Variants in CDKL5 observed in about 807,000 individuals in gnomAD.
CDKL5 encodes the protein cyclin-dependent kinase-like 5.
CDKL5 carries 8 observed loss-of-function variants against 61.7 expected under a neutral mutation model. The observed-to-expected ratio is 0.13, with a 90% confidence interval of 0.08 to 0.23. The LOEUF (loss-of-function observed/expected upper bound fraction) is 0.23. Among genes scored for constraint, CDKL5 ranks in the 10% least tolerant of loss-of-function variants. The pLI, the probability that CDKL5 is intolerant of heterozygous loss-of-function variation, is 1.00. For synonymous variants in CDKL5, 275 were observed against 272.3 expected (o/e 1.01, Z -0.10); for missense variants, 440 against 734.5 (o/e 0.60, Z 4.63).
At chrX:18,509,800 T>C in intron 2 of CDKL5, among the ~76,000 whole-genome samples, 1 of 110,265 alleles carries the variant, frequency 9.1e-6, no homozygotes, top group South Asian at 3.9e-4. Flanking sequence ...TGGCAAAAGG[T>C]AGCAAATCCT....
intron 14 of CDKL5, 107 bp downstream of exon 14, chrX:18,609,677 C>T (rs1158930949): frequency 5.3e-6 from 6 of 1,125,141 alleles, no homozygotes; most frequent in Admixed American, 2.8e-5. Flanking sequence ...CCTACACTGT[C>T]GCCTTCCAGC....
intron 1 of CDKL5, among the ~76,000 whole-genome samples, chrX:18,460,150 C>T (rs761377215): frequency 5.6e-4 from 62 of 110,594 alleles, no homozygotes; most frequent in East Asian, 2.9e-4. Context: ...CCGCCCGCCT[C>T]GGCCTTCCAA....
chrX:18,444,415 T>A (rs1207455879), intron 1 of CDKL5, among the ~76,000 whole-genome samples: 1 of 111,878 alleles, frequency 8.9e-6, no homozygotes, highest in Admixed American at 9.6e-5. Flanking sequence ...AACATTTGGC[T>A]ATATATAGTC....
intron 1 of CDKL5, among the ~76,000 whole-genome samples, chrX:18,488,722 C>T (rs190726145): frequency 2.5e-4 from 28 of 111,571 alleles, no homozygotes; most frequent in Admixed American, 7.6e-4. Flanking sequence ...AATTCTAAGC[C>T]GCCCAGCCAA....
chrX:18,507,109 A>G lies in CDKL5; in HGVS notation c.13A>G (p.Asn5Asp), dbSNP rs767844474. Reference protein sequence around the residue: MKIPNIGNVMNKFEI... With the variant: MKIPDIGNVMNKFEI... ...GGAGTTTGTCTTCATGAAGATTCCT[A>G]ACATTGGTAATGTGATGAATAAATT... The change falls in exon 2 of 18, where the codon AAC (asparagine) becomes GAC (aspartate). Residue 5 changes from asparagine to aspartate, a missense_variant. Coordinates refer to ENST00000623535, the MANE Select transcript of CDKL5 (RefSeq NM_001323289.2). 3 of 1,197,743 alleles carry G rather than the reference A, an allele frequency of 2.5e-6. No homozygotes were observed. Among genetic ancestry groups the G allele is most frequent in the East Asian group, 3.0e-5 (1 of 33,675 alleles).
intron 11 of CDKL5, 107 bp from the exon 12 acceptor site, chrX:18,603,795 T>G (rs762931260): frequency 2.7e-5 from 25 of 931,495 alleles, no homozygotes; most frequent in Non-Finnish European, 3.4e-5. Context: ...AGAATTAATG[T>G]TTTTAGTCTT....
At chrX:18,580,909 T>TG (rs1399871392) in intron 6 of CDKL5, among the ~76,000 whole-genome samples, 1 of 111,734 alleles carries the variant, frequency 8.9e-6, no homozygotes, top group Non-Finnish European at 1.9e-5. Context: ...ATATTTCTCT[T>TG]GCATTTGACT....
rs758188486 is a variant in CDKL5, at chrX:18,633,923, C to A, written c.*5166C>A. The stretch of plus-strand genomic sequence containing the variant: ...ACCCGCCTTGCATTTTCATTCATCA[C>A]CTGTTTATGCCCAAATTTAAAGGAA... On this transcript the variant is annotated 3_prime_UTR_variant, in exon 18 of 18. Coordinates refer to ENST00000623535, the MANE Select transcript of CDKL5 (RefSeq NM_001323289.2). 1.3e-5 allele frequency: 10 copies of A among 753,937 alleles called. No homozygotes were observed. The highest frequency in any genetic ancestry group is 1.6e-5 in the Non-Finnish European group (10 of 639,269). The allele number at this position is 753,937 out of a possible 1,213,427, so 62.1% of individuals were successfully genotyped here. A position where few individuals can be genotyped will look rare whatever the true frequency, so the allele number is the denominator to read the frequency against.
intron 7 of CDKL5, among the ~76,000 whole-genome samples, chrX:18,582,654 A>G (rs1296884257): frequency 2.7e-5 from 3 of 111,683 alleles, no homozygotes; most frequent in African/African-American, 9.7e-5. Flanking sequence ...CTTTTTTCAT[A>G]TATTTAAATA....
intron 3 of CDKL5, among the ~76,000 whole-genome samples, chrX:18,556,766 C>G (rs1024965791): frequency 3.4e-4 from 37 of 108,185 alleles, no homozygotes; most frequent in African/African-American, 1.2e-3. Flanking sequence ...GCCTACAATC[C>G]CAACTACTCA....
At chrX:18,490,584 T>C (rs1002287182) in intron 1 of CDKL5, among the ~76,000 whole-genome samples, 1 of 111,540 alleles carries the variant, frequency 9.0e-6, no homozygotes, top group Non-Finnish European at 1.9e-5. Flanking sequence ...AAGCTATAAC[T>C]CAAAAGTGCT....
Position 18,629,125 on chromosome X carries a change from AG to A in CDKL5, c.*370del. On this transcript the variant is annotated 3_prime_UTR_variant, in exon 18 of 18. Coordinates refer to ENST00000623535, the MANE Select transcript of CDKL5 (RefSeq NM_001323289.2). The stretch of plus-strand genomic sequence containing the variant: ...GATGTGTCCTGGCACTGCAAGGGAT[AG>A]GAAAGTCGTGTTGACCGATGCCCTT... The A allele has an allele frequency of 5.1e-6, 4 of 785,456 alleles. No individual in the cohort carries two copies. The highest frequency in any genetic ancestry group is 4.6e-6 in the Non-Finnish European group (3 of 659,065). 64.7% of individuals were successfully genotyped at this position (785,456 alleles called of 1,213,427 possible). A position where few individuals can be genotyped will look rare whatever the true frequency, so the allele number is the denominator to read the frequency against.
chrX:18,519,104 G>A, intron 3 of CDKL5, among the ~76,000 whole-genome samples: 1 of 111,358 alleles, frequency 9.0e-6, no homozygotes, highest in Non-Finnish European at 1.9e-5. Flanking sequence ...AGTCATTGCC[G>A]TTAAGACTCT....
intron 21 of CDKL5, chrX:18,653,355 C>G: frequency 8.5e-7 from 1 of 1,178,243 alleles, no homozygotes; most frequent in Non-Finnish European, 1.1e-6. Context: ...CGTGGGGGGC[C>G]CGGGCATTAG....
intron 4 of CDKL5, 23 bp from the exon 5 acceptor site, chrX:18,575,331 C>T (rs771352443): frequency 3.3e-6 from 4 of 1,199,740 alleles, no homozygotes; most frequent in Non-Finnish European, 2.3e-6. Context: ...ATTTTAGTCT[C>T]TTCACCATTG....
At position 18,633,879 on chromosome X, in the gene CDKL5, G is replaced by T; in HGVS notation, c.*5122G>T. Reference sequence around the variant, plus strand: ...CCACCTTTCCGTGTATTTACTGTAGGCTATTAAATATGATCATGACCCGCC... The same window carrying T: ...CCACCTTTCCGTGTATTTACTGTAGTCTATTAAATATGATCATGACCCGCC... On this transcript the variant is annotated 3_prime_UTR_variant, in exon 18 of 18. Transcript: ENST00000623535. 3 of 753,113 alleles carry T rather than the reference G, an allele frequency of 4.0e-6. No homozygotes were observed. The highest frequency in any genetic ancestry group is 4.7e-6 in the Non-Finnish European group (3 of 638,633). 62.1% of individuals were successfully genotyped at this position (753,113 alleles called of 1,213,427 possible).
chrX:18,472,895 G>A (rs1367480812), intron 1 of CDKL5, among the ~76,000 whole-genome samples: 1 of 109,232 alleles, frequency 9.2e-6, no homozygotes, highest in Non-Finnish European at 1.9e-5. Flanking sequence ...CCATAATGGG[G>A]TGTTCATTTG....
At chrX:18,474,674 C>T (rs1000195465) in intron 1 of CDKL5, among the ~76,000 whole-genome samples, 10 of 111,835 alleles carry the variant, frequency 8.9e-5, no homozygotes, top group Non-Finnish European at 1.7e-4. Flanking sequence ...AAAGCATAAG[C>T]GTGTTTTGCT....
intron 3 of CDKL5, among the ~76,000 whole-genome samples, chrX:18,534,880 T>C (rs776922782): frequency 1.8e-5 from 2 of 112,370 alleles, no homozygotes; most frequent in South Asian, 7.4e-4. Flanking sequence ...TTCTACCTGG[T>C]GTGAGCAATT....
Sources: gnomAD v4.1 joint callset for allele counts (sites outside exome capture counted in the v4.1 genomes callset) on GRCh38, gnomAD v4.1.1 for gene constraint, MANE v1.5 for transcripts, NCBI Gene and HGNC (gene_info 2026-07-23, HGNC 2026-07-21) for gene names.